The following CSMD1 variants were observed in gnomAD, a reference collection of about 807,000 sequenced individuals.
CSMD1 encodes the protein CUB and sushi domain-containing protein 1.
CSMD1 carries 213 observed loss-of-function variants against 417.5 expected under a neutral mutation model. The observed-to-expected ratio is 0.51, with a 90% CI of 0.46 to 0.57. The LOEUF is 0.57. Among genes scored for constraint, CSMD1 ranks in the 20% least tolerant of loss-of-function variants. The pLI is 0.00. For missense variants in CSMD1, 6,923 were observed against 4,529.7 expected (o/e 1.53, Z -15.17); for synonymous variants, 2,862 against 1,736.8 (o/e 1.65, Z -16.11).
Position 3,743,726 on chromosome 8 carries a change from G to A in CSMD1, c.931+10204C>T, listed in dbSNP as rs577948483. Among the ~76,000 whole-genome samples the A allele has an allele frequency of 4.6e-5, 7 of 152,180 alleles. 1 individual carries two copies. In the East Asian group the frequency reaches 5.8e-4, roughly 13 times the overall value. On this transcript the variant is annotated intron_variant, in intron 6 of 69. Transcript: ENST00000635120. The stretch of plus-strand genomic sequence containing the variant: ...GACATTCCTAGTGAGCTGCAAGATC[G>A]TTACTCCCAGGTGTTTCTGTTAAAA...
chr8:3,485,056 C>T (rs1343569577), intron 11 of CSMD1, among the ~76,000 whole-genome samples: 1 of 152,162 alleles, frequency 6.6e-6, no homozygotes, highest in Non-Finnish European at 1.5e-5. Flanking sequence ...CAATTACACT[C>T]CTAAGTAATT....
At chr8:3,048,965 C>A (rs1234162999) in intron 50 of CSMD1, among the ~76,000 whole-genome samples, 2 of 151,158 alleles carry the variant, frequency 1.3e-5, no homozygotes, top group African/African-American at 4.9e-5. Context: ...CAGATGGCAA[C>A]TGAGCATATG....
chr8:3,997,432 G>A (rs1042366513), intron 5 of CSMD1, among the ~76,000 whole-genome samples: 1 of 152,166 alleles, frequency 6.6e-6, no homozygotes, highest in Non-Finnish European at 1.5e-5. Flanking sequence ...TGAGGATCTT[G>A]TAGCCACGGG....
At chr8:3,381,907 A>C (rs941504765) in intron 18 of CSMD1, among the ~76,000 whole-genome samples, 2 of 152,190 alleles carry the variant, frequency 1.3e-5, no homozygotes, top group Admixed American at 6.5e-5. Flanking sequence ...ATATCTATAC[A>C]GTATATGCAT....
intron 6 of CSMD1, among the ~76,000 whole-genome samples, chr8:3,711,622 T>A (rs554300964): frequency 6.6e-6 from 1 of 152,152 alleles, no homozygotes; most frequent in Non-Finnish European, 1.5e-5. Flanking sequence ...GTGACAAATA[T>A]CACAGGAAAG....
intron 7 of CSMD1, among the ~76,000 whole-genome samples, chr8:3,639,453 A>G (rs1797200320): frequency 6.6e-6 from 1 of 152,204 alleles, no homozygotes; most frequent in Non-Finnish European, 1.5e-5. Context: ...AAATCAGTCT[A>G]TGACCTGAAT....
At chr8:3,634,990 T>C (rs1050665361) in intron 7 of CSMD1, among the ~76,000 whole-genome samples, 1 of 152,158 alleles carries the variant, frequency 6.6e-6, no homozygotes, top group Admixed American at 6.5e-5. Context: ...GGTAAGAAAT[T>C]TGTGTATCTA....
At chr8:4,869,959 T>A (rs1157098323) in intron 1 of CSMD1, among the ~76,000 whole-genome samples, 2 of 152,076 alleles carry the variant, frequency 1.3e-5, no homozygotes, top group East Asian at 3.8e-4. Flanking sequence ...AATCTTATAA[T>A]TGGTTAAGGT....
chr8:4,534,189 C>T (rs1796979715), intron 2 of CSMD1, among the ~76,000 whole-genome samples: 1 of 152,162 alleles, frequency 6.6e-6, no homozygotes, highest in Non-Finnish European at 1.5e-5. Flanking sequence ...CTAGGGAGCA[C>T]AATTTAATAG....
chr8:3,999,951 T>C (rs1236407212), intron 4 of CSMD1, among the ~76,000 whole-genome samples: 1 of 152,220 alleles, frequency 6.6e-6, no homozygotes, highest in African/African-American at 2.4e-5. Flanking sequence ...TTAATAATTA[T>C]TAAGTGCACA....
intron 5 of CSMD1, among the ~76,000 whole-genome samples, chr8:3,857,867 A>G (rs148129657): frequency 6.6e-6 from 1 of 152,228 alleles, no homozygotes; most frequent in Non-Finnish European, 1.5e-5. Flanking sequence ...TGAGTGAGAG[A>G]TTACGTGATA....
chr8:4,146,396 T>TA (rs1804126501), intron 3 of CSMD1, among the ~76,000 whole-genome samples: 1 of 150,312 alleles, frequency 6.7e-6, no homozygotes, highest in Non-Finnish European at 1.5e-5. Context: ...TCGGGGTTGA[T>TA]AATGTGGCAC....
intron 2 of CSMD1, among the ~76,000 whole-genome samples, chr8:4,460,467 A>G (rs1799746154): frequency 6.6e-6 from 1 of 152,158 alleles, no homozygotes; most frequent in Non-Finnish European, 1.5e-5. Context: ...AGAATAACAA[A>G]TATTCTAGTG....
intron 2 of CSMD1, among the ~76,000 whole-genome samples, chr8:4,539,830 A>T (rs1238902642): frequency 6.6e-6 from 1 of 152,166 alleles, no homozygotes; most frequent in Admixed American, 6.5e-5. Flanking sequence ...TATGTGTATG[A>T]AATAGTTTTC....
At chr8:4,226,823 G>GAAATGC (rs1170440763) in intron 3 of CSMD1, among the ~76,000 whole-genome samples, 1 of 152,194 alleles carries the variant, frequency 6.6e-6, no homozygotes, top group Admixed American at 6.5e-5. Flanking sequence ...TTGGGTTGTT[G>GAAATGC]AAATGCAAAT....
chr8:3,665,496 T>G (rs1385648075), intron 7 of CSMD1, among the ~76,000 whole-genome samples: 1 of 152,128 alleles, frequency 6.6e-6, no homozygotes, highest in Non-Finnish European at 1.5e-5. Context: ...GCCACTGCAC[T>G]CCAGCCTGGG....
chr8:3,189,260 G>C (rs946984854), intron 34 of CSMD1, among the ~76,000 whole-genome samples: 1 of 152,184 alleles, frequency 6.6e-6, no homozygotes, highest in African/African-American at 2.4e-5. Context: ...AGTTCTCTAA[G>C]AAGGGATGAT....
rs867569692 is a variant in CSMD1 at position 4,895,349 on chromosome 8, G to C, written c.85+98983C>G. On this transcript the variant is annotated intron_variant, in intron 1 of 69. Coordinates refer to ENST00000635120, the MANE Select transcript of CSMD1 (RefSeq NM_033225.6). ...CCAATATTTCAGTTTCTGGAGTAAT[G>C]TAAGTGTAACAGCATGTTTAGCTCA... 8.6e-4 allele frequency among the ~76,000 whole-genome samples: 131 copies of C among 152,186 alleles called. 1 individual carries two copies. The highest frequency in any genetic ancestry group is 3.1e-3 in the African/African-American group (128 of 41,458).
chr8:4,051,892 CT>C (rs1798449454), intron 3 of CSMD1, among the ~76,000 whole-genome samples: 4 of 129,212 alleles, frequency 3.1e-5, no homozygotes, highest in Non-Finnish European at 5.2e-5. Context: ...TCCTTCCTTC[CT>C]TCCTTCCTTC....
Sources: gnomAD v4.1 joint callset for allele counts (sites outside exome capture counted in the v4.1 genomes callset) on GRCh38, gnomAD v4.1.1 for gene constraint, MANE v1.5 for transcripts, NCBI Gene and HGNC (gene_info 2026-07-23, HGNC 2026-07-21) for gene names.